C1orf198: variants seen among roughly 807,000 people sequenced by gnomAD.
The protein encoded by C1orf198 is chromosome 1 open reading frame 198, also known as uncharacterized protein C1orf198.
Under a neutral mutation model 31.4 loss-of-function variants are expected in C1orf198, and 17 were observed. The ratio of observed to expected loss-of-function variants is 0.54; its 90% CI spans 0.37 to 0.81. The LOEUF (loss-of-function observed/expected upper bound fraction) is 0.81. C1orf198 is among the 40% of genes least tolerant of loss of function. The pLI is 0.00. For synonymous variants in C1orf198, 175 were observed against 193.8 expected (o/e 0.90, Z 0.81); for missense variants, 401 against 450.3 (o/e 0.89, Z 0.99).
At chr1:230,869,015 T>G (rs920657032), upstream of C1orf198, 10 of 152,364 alleles carry the variant, frequency 6.6e-5, no homozygotes, top group Non-Finnish European at 1.5e-4. Flanking sequence ...TTTTTACTCC[T>G]TTCCTTCTGT....
chr1:230,850,906 G>T (rs201948003), intron 2 of C1orf198, among the ~76,000 whole-genome samples: 1 of 152,068 alleles, frequency 6.6e-6, no homozygotes, highest in Non-Finnish European at 1.5e-5. Context: ...GCAAAGCCCC[G>T]AAAGTCACAG....
Position 230,868,109 on chromosome 1 carries a change from G to A in C1orf198, c.333+71C>T, listed in dbSNP as rs1031027391. The stretch of plus-strand genomic sequence containing the variant: ...CAGCTGGGGCGGCCTCACGCCGGCA[G>A]GTGCCCACCGGGCCGGGGCGCCTCG... On this transcript the variant is annotated intron_variant, in intron 1 of 3. Transcript: ENST00000366663. 20 of 1,302,498 alleles carry A rather than the reference G, an allele frequency of 1.5e-5. No homozygotes were observed. The African/African-American group carries it at 3.0e-4, about 19-fold the overall frequency. 80.7% of individuals were successfully genotyped at this position (1,302,498 alleles called of 1,614,324 possible).
chr1:230,848,332 C>T (rs1005350823), intron 2 of C1orf198, among the ~76,000 whole-genome samples: 20 of 152,178 alleles, frequency 1.3e-4, no homozygotes, highest in Admixed American at 4.6e-4. Flanking sequence ...TAACTACAAT[C>T]TCCTTTAACA....
chr1:230,856,939 G>A (rs1669888206), intron 1 of C1orf198, among the ~76,000 whole-genome samples: 1 of 152,176 alleles, frequency 6.6e-6, no homozygotes, highest in African/African-American at 2.4e-5. Context: ...TCTGCCCACA[G>A]ACCCTCTTCT....
chr1:230,868,175 C>T lies in C1orf198; in HGVS notation c.333+5G>A. 1 of 1,503,778 alleles carries T rather than the reference C, an allele frequency of 6.6e-7. No homozygotes were observed. The highest frequency in any genetic ancestry group is 8.8e-7 in the Non-Finnish European group (1 of 1,131,668). The allele number at this position is 1,503,778 out of a possible 1,614,324, so 93.2% of individuals were successfully genotyped here. On this transcript the variant is annotated splice_donor_5th_base_variant and intron_variant, in intron 1 of 3. Coordinates refer to ENST00000366663, the MANE Select transcript of C1orf198 (RefSeq NM_032800.3). ...AAGAGGGTCCGCGGCCAGGCCCGCACCTACCTCGTCCCCGAAGCGCACCAC... is the reference window on the plus strand; with the variant it reads ...AAGAGGGTCCGCGGCCAGGCCCGCATCTACCTCGTCCCCGAAGCGCACCAC...
intron 2 of C1orf198, among the ~76,000 whole-genome samples, chr1:230,845,814 C>T (rs1209378139): frequency 1.3e-5 from 2 of 152,194 alleles, no homozygotes; most frequent in Non-Finnish European, 2.9e-5. Flanking sequence ...CCCTTCCCTC[C>T]TCCCATAATC....
chr1:230,841,152 G>A (rs1005078390), intron 3 of C1orf198, among the ~76,000 whole-genome samples: 3 of 152,208 alleles, frequency 2.0e-5, no homozygotes, highest in African/African-American at 7.2e-5. Context: ...TCTGTAAGGA[G>A]GAGCTGATGG....
intron 2 of C1orf198, among the ~76,000 whole-genome samples, chr1:230,845,175 GCAA>G: frequency 6.7e-6 from 1 of 148,928 alleles, no homozygotes; most frequent in East Asian, 2.0e-4. Context: ...ACCAGCCTGG[GCAA>G]CAAGTGAGAC....
At chr1:230,841,692 G>A (rs558887403) in intron 3 of C1orf198, among the ~76,000 whole-genome samples, 2 of 152,366 alleles carry the variant, frequency 1.3e-5, no homozygotes, top group Non-Finnish European at 2.9e-5. Context: ...AATGTAAAAT[G>A]ACGCAGCTGC....
In C1orf198 at chr1:230,839,560, T is replaced by C. The variant is rs901032841; in HGVS notation, c.*292A>G. The C allele has an allele frequency of 1.3e-5, 4 of 314,604 alleles. No individual in the cohort carries two copies. Among genetic ancestry groups the C allele is most frequent in the Admixed American group, 1.1e-4 (2 of 17,712 alleles). 19.5% of individuals were successfully genotyped at this position (314,604 alleles called of 1,614,324 possible). ...ACACATCCTTTGAGGAGGGGGAAAGTTGGGTGGAGCTGGGAACAGAAGTTT... is the reference window on the plus strand; with the variant it reads ...ACACATCCTTTGAGGAGGGGGAAAGCTGGGTGGAGCTGGGAACAGAAGTTT... On this transcript the variant is annotated 3_prime_UTR_variant, in exon 4 of 4. Transcript: ENST00000366663.
rs3811496 is a variant in C1orf198 at position 230,839,026 on chromosome 1, T to G, written c.*826A>C. The G allele has an allele frequency of 6.5e-5, 10 of 152,768 alleles. No individual in the cohort carries two copies. In the East Asian group the frequency reaches 1.9e-3, roughly 30 times the overall value. The allele number at this position is 152,768 out of a possible 1,614,324, so 9.5% of individuals were successfully genotyped here. A position where few individuals can be genotyped will look rare whatever the true frequency, so the allele number is the denominator to read the frequency against. ...CACATCTGCCGTCTGCCCTGACTCC[T>G]GTAGGTGCCCAGTCCGGGGAACAAC... On this transcript the variant is annotated 3_prime_UTR_variant, in exon 4 of 4. Transcript: ENST00000366663.
At chr1:230,865,074 T>C (rs140004066) in intron 1 of C1orf198, among the ~76,000 whole-genome samples, 2 of 152,342 alleles carry the variant, frequency 1.3e-5, no homozygotes, top group African/African-American at 2.4e-5. Flanking sequence ...ACCAAAATAC[T>C]GGACCCAAAG....
At chr1:230,847,020 G>A (rs1238562749) in intron 2 of C1orf198, among the ~76,000 whole-genome samples, 1 of 149,756 alleles carries the variant, frequency 6.7e-6, no homozygotes, top group African/African-American at 2.5e-5. Context: ...GGAGAATGGC[G>A]TGAACCCGGG....
At chr1:230,848,349 C>A (rs1197186411) in intron 2 of C1orf198, among the ~76,000 whole-genome samples, 1 of 152,128 alleles carries the variant, frequency 6.6e-6, no homozygotes, top group Admixed American at 6.5e-5. Flanking sequence ...AACAAAACAG[C>A]CCTGATGATC....
intron 1 of C1orf198, among the ~76,000 whole-genome samples, chr1:230,859,309 G>A (rs2102989744): frequency 6.6e-6 from 1 of 152,164 alleles, no homozygotes; most frequent in African/African-American, 2.4e-5. Flanking sequence ...ACATGCTTTT[G>A]GACCAATCAC....
Position 230,843,279 on chromosome 1 carries a change from T to G in C1orf198, c.927+75A>C. 4 of 1,485,710 alleles carry G rather than the reference T, an allele frequency of 2.7e-6. No homozygotes were observed. The highest frequency in any genetic ancestry group is 3.6e-6 in the Non-Finnish European group (4 of 1,106,110). The allele number at this position is 1,485,710 out of a possible 1,614,324, so 92.0% of individuals were successfully genotyped here. A position where few individuals can be genotyped will look rare whatever the true frequency, so the allele number is the denominator to read the frequency against. On this transcript the variant is annotated intron_variant, in intron 3 of 3. Transcript: ENST00000366663. This position sits in a 1 kb window ranked among gnomAD's most constrained non-coding sequence, Gnocchi z 4.9. ...CATGGGCACCTGTGGCCTGCCTGCTTTGTGGGGGACCCTCTCGGTTCCCGT... is the reference window on the plus strand; with the variant it reads ...CATGGGCACCTGTGGCCTGCCTGCTGTGTGGGGGACCCTCTCGGTTCCCGT...
At chr1:230,855,798 G>A in intron 1 of C1orf198, 80 bp from the exon 2 acceptor site, 1 of 1,550,034 alleles carries the variant, frequency 6.5e-7, no homozygotes, top group Non-Finnish European at 8.7e-7. Context: ...GACCGTGGGG[G>A]AACCAAAACT....
chr1:230,854,326 A>G (rs1055604969), intron 2 of C1orf198, among the ~76,000 whole-genome samples: 1 of 152,312 alleles, frequency 6.6e-6, no homozygotes, highest in South Asian at 2.1e-4. Context: ...TTGGGAGCCC[A>G]TAGAAGAGGA....
Position 230,843,513 on chromosome 1 carries a change from G to A in C1orf198, c.768C>T (p.Pro256=). Residue 256 remains proline, a synonymous_variant, in exon 3 of 4, where the codon CCC becomes CCT. Coordinates refer to ENST00000366663, the MANE Select transcript of C1orf198 (RefSeq NM_032800.3). This position sits in a 1 kb window ranked among gnomAD's most constrained non-coding sequence, Gnocchi z 4.9. The part of the protein sequence containing the change: ...STLRQEQRPL[P]NVSTERERPQ... ...GTCTCTCACGTTCGGTGCTCACGTTGGGAAGAGGACGCTGCTCCTGACGGA... is the reference window on the plus strand; with the variant it reads ...GTCTCTCACGTTCGGTGCTCACGTTAGGAAGAGGACGCTGCTCCTGACGGA... The A allele has an allele frequency of 6.2e-7, 1 of 1,612,242 alleles. No individual in the cohort carries two copies. The highest frequency in any genetic ancestry group is 8.5e-7 in the Non-Finnish European group (1 of 1,178,878).
Sources: allele counts gnomAD v4.1 joint callset (sites outside exome capture counted in the v4.1 genomes callset), GRCh38; gene constraint gnomAD v4.1.1; non-coding constraint Gnocchi (gnomAD v3.1); transcripts MANE v1.5; gene names NCBI Gene and HGNC (gene_info 2026-07-23, HGNC 2026-07-21).